Variants in GSK3A observed in about 807,000 individuals in gnomAD.
GSK3A encodes glycogen synthase kinase-3 alpha.
GSK3A carries 14 observed loss-of-function variants against 56.6 expected under a neutral mutation model. The observed-to-expected ratio is 0.25, with a 90% CI of 0.16 to 0.39. The LOEUF (loss-of-function observed/expected upper bound fraction) is 0.39. GSK3A is among the 10% of genes least tolerant of loss of function. The probability of loss-of-function intolerance (pLI) is 1.00; values close to 1 mark genes in which losing one functional copy is unlikely to be tolerated. For missense variants in GSK3A, 450 were observed against 656.0 expected (o/e 0.69, Z 3.43); for synonymous variants, 301 against 285.0 (o/e 1.06, Z -0.56).
chr19:42,238,570 A>C (rs575517517), intron 2 of GSK3A, among the ~76,000 whole-genome samples: 1 of 142,888 alleles, frequency 7.0e-6, no homozygotes, highest in Admixed American at 7.3e-5. Flanking sequence ...TCACGCCACC[A>C]CACTCCAGCC....
At chr19:42,239,124 T>C (rs1599813228) in intron 2 of GSK3A, among the ~76,000 whole-genome samples, 2 of 152,296 alleles carry the variant, frequency 1.3e-5, no homozygotes, top group Admixed American at 1.3e-4. Context: ...ACTCCAGGCA[T>C]TGGACTTTTC....
Position 42,242,451 on chromosome 19 carries a change from C to A in GSK3A, c.15G>T (p.Gly5=). The A allele has an allele frequency of 8.0e-7, 1 of 1,249,080 alleles. No individual in the cohort carries two copies. Among genetic ancestry groups the A allele is most frequent in the South Asian group, 2.6e-5 (1 of 38,574 alleles). The allele number at this position is 1,249,080 out of a possible 1,614,324, so 77.4% of individuals were successfully genotyped here. A position where few individuals can be genotyped will look rare whatever the true frequency, so the allele number is the denominator to read the frequency against. The change falls in exon 1 of 11, where the codon GGG becomes GGT. Residue 5 remains glycine (G), a synonymous_variant. Coordinates refer to ENST00000222330, the MANE Select transcript of GSK3A (RefSeq NM_019884.3). Reference sequence around the variant, plus strand: ...AGCCCCCAGGGCCGCCTCCCGAAGGCCCGCCGCCGCTCATGGCGCCGAGCA... The same window carrying A: ...AGCCCCCAGGGCCGCCTCCCGAAGGACCGCCGCCGCTCATGGCGCCGAGCA... MSGG[G]PSGGGPGGSG...
At chr19:42,231,214 G>A (rs909117060) in intron 10 of GSK3A, among the ~76,000 whole-genome samples, 2 of 152,088 alleles carry the variant, frequency 1.3e-5, no homozygotes, top group Non-Finnish European at 2.9e-5. Context: ...ACAAAAATAA[G>A]CCAGGCATGG....
chr19:42,234,987 C>T lies in GSK3A; in HGVS notation c.667-309G>A, dbSNP rs767475744. Among the ~76,000 whole-genome samples the T allele has an allele frequency of 4.6e-5, 7 of 152,120 alleles. No homozygotes were observed. The highest frequency in any genetic ancestry group is 7.4e-5 in the Non-Finnish European group (5 of 68,022). On this transcript the variant is annotated intron_variant, in intron 4 of 10. Transcript: ENST00000222330. This position sits in a 1 kb window ranked among gnomAD's most constrained non-coding sequence, Gnocchi z 5.7. ...ACTAAAAATACAAAAATTAGCCGGG[C>T]GTGGTGGTGCACACCTGTAATCCCA... is the stretch of plus-strand genomic sequence containing the variant.
In GSK3A at chr19:42,230,226, C is replaced by G. The variant is rs2036213480; in HGVS notation, c.*568G>C. The G allele has an allele frequency of 6.5e-6, 1 of 154,740 alleles. No homozygotes were observed. Among genetic ancestry groups the G allele is most frequent in the Non-Finnish European group, 1.4e-5 (1 of 69,722 alleles). 9.6% of individuals were successfully genotyped at this position (154,740 alleles called of 1,614,324 possible). A position where few individuals can be genotyped will look rare whatever the true frequency, so the allele number is the denominator to read the frequency against. On this transcript the variant is annotated 3_prime_UTR_variant, in exon 11 of 11. Coordinates refer to ENST00000222330, the MANE Select transcript of GSK3A (RefSeq NM_019884.3). ...ATAATTTATTGAACGGAGGTCTGTA[C>G]ACAGGCAAACCTTACTGTGGAAACT...
intron 1 of GSK3A, 50 bp from the exon 2 acceptor site, chr19:42,240,192 T>C: frequency 6.5e-7 from 1 of 1,532,454 alleles, no homozygotes; most frequent in Non-Finnish European, 9.0e-7. Flanking sequence ...TGCCTGCGCA[T>C]CACCCTATCC....
At chr19:42,238,842 G>A (rs999953821) in intron 2 of GSK3A, among the ~76,000 whole-genome samples, 13 of 151,876 alleles carry the variant, frequency 8.6e-5, no homozygotes, top group East Asian at 5.8e-4. Context: ...AGTGGCCCAT[G>A]CCTGCAATCC....
chr19:42,234,314 A>G lies in GSK3A; in HGVS notation c.904+39T>C, dbSNP rs538863467. 6.8e-7 allele frequency: 1 copy of G among 1,478,536 alleles called. No individual in the cohort carries two copies. Among genetic ancestry groups the G allele is most frequent in the African/African-American group, 1.4e-5 (1 of 72,390 alleles). 91.6% of individuals were successfully genotyped at this position (1,478,536 alleles called of 1,614,324 possible). ...CACACAGAAAACTCCAAAACTTCCC[A>G]GATTGCCACTCCCCCCGCCACCCTC... On this transcript the variant is annotated intron_variant, in intron 6 of 10. Coordinates refer to ENST00000222330, the MANE Select transcript of GSK3A (RefSeq NM_019884.3). The surrounding 1 kb of genome is among the most constrained non-coding windows in gnomAD (Gnocchi z 5.7).
chr19:42,234,544 C>T lies in GSK3A; in HGVS notation c.797+4G>A, dbSNP rs1305128085. The T allele has an allele frequency of 2.5e-6, 4 of 1,613,366 alleles. No individual in the cohort carries two copies. The highest frequency in any genetic ancestry group is 3.4e-6 in the Non-Finnish European group (4 of 1,179,360). ...TTCAGCCACCCAACATGCCCCAGGC[C>T]CACCTGCCAAAATCGCAGAGCTTGA... is the stretch of plus-strand genomic sequence containing the variant. On this transcript the variant is annotated splice_donor_region_variant and intron_variant, in intron 5 of 10. Transcript: ENST00000222330. This position sits in a 1 kb window ranked among gnomAD's most constrained non-coding sequence, Gnocchi z 5.7.
chr19:42,238,380 C>T (rs1208101800), intron 2 of GSK3A, among the ~76,000 whole-genome samples: 56 of 130,650 alleles, frequency 4.3e-4, no homozygotes, highest in African/African-American at 1.6e-3. Flanking sequence ...GAGATTCTGT[C>T]TTAAAAAAAA....
chr19:42,231,354 C>T (rs1030409829), intron 10 of GSK3A, among the ~76,000 whole-genome samples: 3 of 150,696 alleles, frequency 2.0e-5, no homozygotes, highest in South Asian at 2.1e-4. Context: ...AAAAAGACTC[C>T]GTCTAAAAAA....
Position 42,240,052 on chromosome 19 carries a change from A to G in GSK3A, c.374T>C (p.Ile125Thr). The change falls in exon 2 of 11, where the codon ATT becomes ACT. Residue 125 changes from isoleucine (I) to threonine (T), a missense_variant. Ile to Thr is a moderately conservative substitution (Grantham distance 89). Transcript: ENST00000222330. ...CACGACCCCAAATGAGCCATTGCCA[A>G]TCACTTTGATGTCCGTGTAAGCCAC... The part of the protein sequence containing the change: ...QEVAYTDIKV[I>T]GNGSFGVVYQ... 1 of 1,614,114 alleles carries G rather than the reference A, an allele frequency of 6.2e-7. No homozygotes were observed. The highest frequency in any genetic ancestry group is 8.5e-7 in the Non-Finnish European group (1 of 1,179,996).
At chr19:42,235,121 TCAAAAAAAA>T (rs1350961366) in intron 4 of GSK3A, among the ~76,000 whole-genome samples, 1 of 151,120 alleles carries the variant, frequency 6.6e-6, no homozygotes, top group African/African-American at 2.4e-5. Context: ...AGACCCTGTC[TCAAAAAAAA>T]CAAAAAAAAA....
chr19:42,236,525 G>T, intron 4 of GSK3A, 81 bp downstream of exon 4: 1 of 857,994 alleles, frequency 1.2e-6, no homozygotes, highest in Non-Finnish European at 2.0e-6. Context: ...CTTGGCGGAT[G>T]AGGGATCCCA....
Position 42,242,581 on chromosome 19 carries a change from T to TGGGCTCCGGCTCCGGCCC in GSK3A, c.-134_-117dup. The stretch of plus-strand genomic sequence containing the variant: ...TCTTCCAGGCCGCGCCGCTCTGGCT[T>TGGGCTCCGGCTCCGGCCC]GGGCTCCGGCTCCGGCCCAGCGCCC... On this transcript the variant is annotated 5_prime_UTR_variant, in exon 1 of 11. Coordinates refer to ENST00000222330, the MANE Select transcript of GSK3A (RefSeq NM_019884.3). 1 of 898,912 alleles carries TGGGCTCCGGCTCCGGCCC rather than the reference T, an allele frequency of 1.1e-6. No homozygotes were observed. 55.7% of individuals were successfully genotyped at this position (898,912 alleles called of 1,614,324 possible). A position where few individuals can be genotyped will look rare whatever the true frequency, so the allele number is the denominator to read the frequency against.
intron 10 of GSK3A, among the ~76,000 whole-genome samples, chr19:42,231,533 A>G (rs1213978976): frequency 1.3e-5 from 2 of 152,014 alleles, no homozygotes; most frequent in Non-Finnish European, 2.9e-5. Flanking sequence ...TGTAATCCCA[A>G]CACTTTAGGA....
At chr19:42,235,897 C>T (rs192242870) in intron 4 of GSK3A, among the ~76,000 whole-genome samples, 2 of 152,328 alleles carry the variant, frequency 1.3e-5, no homozygotes, top group East Asian at 3.9e-4. Flanking sequence ...TGAGGTCCAA[C>T]AGCCACAACC....
At position 42,230,424 on chromosome 19, in the gene GSK3A, A is replaced by C; in HGVS notation, c.*370T>G. The C allele has an allele frequency of 3.7e-6, 1 of 267,916 alleles. No individual in the cohort carries two copies. The highest frequency in any genetic ancestry group is 7.1e-6 in the Non-Finnish European group (1 of 141,154). The allele number at this position is 267,916 out of a possible 1,614,324, so 16.6% of individuals were successfully genotyped here. A position where few individuals can be genotyped will look rare whatever the true frequency, so the allele number is the denominator to read the frequency against. Reference sequence around the variant, plus strand: ...AAAAAAATTATAACAATCTATTTACACCCGGGGGCCAGGGAAGGGAAGAGG... The same window carrying C: ...AAAAAAATTATAACAATCTATTTACCCCCGGGGGCCAGGGAAGGGAAGAGG... On this transcript the variant is annotated 3_prime_UTR_variant, in exon 11 of 11. Transcript: ENST00000222330.
rs2036217530 is a variant in GSK3A, at chr19:42,230,686, C to T, written c.*108G>A. The T allele has an allele frequency of 9.9e-6, 8 of 807,950 alleles. No individual in the cohort carries two copies. 50.0% of individuals were successfully genotyped at this position (807,950 alleles called of 1,614,324 possible). On this transcript the variant is annotated 3_prime_UTR_variant, in exon 11 of 11. Coordinates refer to ENST00000222330, the MANE Select transcript of GSK3A (RefSeq NM_019884.3). Reference sequence around the variant, plus strand: ...GGACAGGGACTCATTTACCTCTGCCCTCTAGTCTAGGGGCCCAGCCAGGGC... The same window carrying T: ...GGACAGGGACTCATTTACCTCTGCCTTCTAGTCTAGGGGCCCAGCCAGGGC...
Sources: allele counts gnomAD v4.1 joint callset (sites outside exome capture counted in the v4.1 genomes callset), GRCh38; gene constraint gnomAD v4.1.1; non-coding constraint Gnocchi (gnomAD v3.1); transcripts MANE v1.5; gene names NCBI Gene and HGNC (gene_info 2026-07-23, HGNC 2026-07-21).